Variants in PDE8B observed in about 807,000 individuals in gnomAD.
The protein encoded by PDE8B is high affinity cAMP-specific and IBMX-insensitive 3',5'-cyclic phosphodiesterase 8B.
PDE8B carries 26 observed loss-of-function variants against 101.3 expected under a neutral mutation model. That is an observed-to-expected ratio of 0.26 (90% CI 0.19 to 0.36). The LOEUF (loss-of-function observed/expected upper bound fraction) is 0.36. Among genes scored for constraint, PDE8B ranks in the 10% least tolerant of loss-of-function variants. The pLI is 1.00. For synonymous variants in PDE8B, 424 were observed against 429.3 expected (o/e 0.99, Z 0.15); for missense variants, 810 against 1,163.1 (o/e 0.70, Z 4.42).
intron 1 of PDE8B, among the ~76,000 whole-genome samples, chr5:77,283,331 A>G (rs1446729023): frequency 1.3e-5 from 2 of 152,156 alleles, no homozygotes; most frequent in Non-Finnish European, 2.9e-5. Flanking sequence ...TGATGAGCCA[A>G]CACTGACAAC....
At chr5:77,146,654 A>C in the PDE8B span, 1 of 288,728 alleles carries the variant, frequency 3.5e-6, no homozygotes, top group Admixed American at 3.7e-5. Context: ...GCATAAGAAG[A>C]AGCACCCAGA....
chr5:77,412,001 G>A, intron 15 of PDE8B, 99 bp from the exon 16 acceptor site: 1 of 1,253,864 alleles, frequency 8.0e-7, no homozygotes, highest in South Asian at 1.2e-5. Flanking sequence ...TCAGGTACAA[G>A]ACTTTTTTTC....
At chr5:77,371,989 C>G (rs1283158632) in intron 10 of PDE8B, among the ~76,000 whole-genome samples, 1 of 151,994 alleles carries the variant, frequency 6.6e-6, no homozygotes, top group African/African-American at 2.4e-5. Context: ...TCACTTCAGG[C>G]CAGGAGTTTG....
chr5:77,425,690 T>C, intron 20 of PDE8B, 77 bp from the exon 21 acceptor site: 1 of 1,444,344 alleles, frequency 6.9e-7, no homozygotes, highest in Admixed American at 1.7e-5. Context: ...TTTCACAGGG[T>C]TGTTCTGAGA....
rs1045802081 is a variant in PDE8B at position 77,427,808 on chromosome 5, T to G, written c.*1254T>G. 31 of 152,232 alleles carry G rather than the reference T, an allele frequency of 2.0e-4. No homozygotes were observed. The highest frequency in any genetic ancestry group is 6.5e-5 in the Admixed American group (1 of 15,278). The allele number at this position is 152,232 out of a possible 1,614,324, so 9.4% of individuals were successfully genotyped here. A position where few individuals can be genotyped will look rare whatever the true frequency, so the allele number is the denominator to read the frequency against. ...GCTGATCCTTCCTATGTATTATAAA[T>G]ATTAGACTCCGTAAACAAACTTCAT... is the stretch of plus-strand genomic sequence containing the variant. On this transcript the variant is annotated 3_prime_UTR_variant, in exon 22 of 22. Coordinates refer to ENST00000264917, the MANE Select transcript of PDE8B (RefSeq NM_003719.5).
At chr5:77,324,531 T>G (rs1317971672) in intron 2 of PDE8B, among the ~76,000 whole-genome samples, 1 of 152,192 alleles carries the variant, frequency 6.6e-6, no homozygotes, top group Non-Finnish European at 1.5e-5. Context: ...AGGGGGAAAC[T>G]GTGTAAAGTA....
At chr5:77,322,978 G>A (rs765567499) in intron 2 of PDE8B, among the ~76,000 whole-genome samples, 8 of 152,214 alleles carry the variant, frequency 5.3e-5, no homozygotes, top group Admixed American at 3.3e-4. Flanking sequence ...GCATAATGGT[G>A]TCAAGGAAAT....
intron 3 of PDE8B, among the ~76,000 whole-genome samples, chr5:77,328,560 A>C (rs951646606): frequency 1.3e-5 from 2 of 152,106 alleles, no homozygotes; most frequent in African/African-American, 4.8e-5. Context: ...AAGTGCTTTA[A>C]TTTTTATCAT....
chr5:77,219,905 G>A (rs1032911372), intron 1 of PDE8B, among the ~76,000 whole-genome samples: 2 of 152,200 alleles, frequency 1.3e-5, no homozygotes, highest in Non-Finnish European at 2.9e-5. Flanking sequence ...CTGTGCCTGT[G>A]CAAGCATTGG....
chr5:77,278,189 G>A (rs754866436), intron 1 of PDE8B, among the ~76,000 whole-genome samples: 2 of 152,082 alleles, frequency 1.3e-5, no homozygotes, highest in Non-Finnish European at 2.9e-5. Flanking sequence ...ATAGGTAAAC[G>A]TCTCCCAGCT....
At chr5:77,382,728 G>GGTTT (rs1167892704) in intron 10 of PDE8B, among the ~76,000 whole-genome samples, 1 of 152,020 alleles carries the variant, frequency 6.6e-6, no homozygotes, top group Non-Finnish European at 1.5e-5. Context: ...CAATAATGAT[G>GGTTT]GTTTCCAGCT....
rs186052720 is a variant in PDE8B at position 77,419,767 on chromosome 5, G to A, written c.2130G>A (p.Arg710=). The change falls in exon 19 of 22, where the codon AGG becomes AGA. Residue 710 remains arginine (R), a splice_region_variant and synonymous_variant. Transcript: ENST00000264917. The part of the protein sequence containing the change: ...TKCNIFKNID[R]NHYRTLRQAI... ...CCCCTTTGTCTTGTGGTTATTTTAG[G>A]AACCATTATCGAACGCTGCGCCAGG... 112 of 1,613,896 alleles carry A rather than the reference G, an allele frequency of 6.9e-5. No individual in the cohort carries two copies. In the East Asian group the frequency reaches 1.7e-3, roughly 24 times the overall value.
intron 1 of PDE8B, chr5:77,291,133 C>A: frequency 6.2e-7 from 1 of 1,610,742 alleles, no homozygotes; most frequent in South Asian, 1.1e-5. Flanking sequence ...GTTGTTCCAT[C>A]AGCTCTCTTC....
chr5:77,276,112 G>A (rs1365229026), intron 1 of PDE8B, among the ~76,000 whole-genome samples: 1 of 152,242 alleles, frequency 6.6e-6, no homozygotes, highest in African/African-American at 2.4e-5. Flanking sequence ...GAAGAACTTA[G>A]TACAATTATC....
chr5:77,133,032 C>T, the PDE8B span, among the ~76,000 whole-genome samples: 1 of 152,178 alleles, frequency 6.6e-6, no homozygotes, highest in Non-Finnish European at 1.5e-5. Flanking sequence ...GATGACTTTT[C>T]CTCTTTGGAG....
chr5:77,317,300 A>C (rs1166208355), intron 2 of PDE8B, among the ~76,000 whole-genome samples: 5 of 152,288 alleles, frequency 3.3e-5, no homozygotes, highest in African/African-American at 1.2e-4. Context: ...CTGTTGCTTC[A>C]CTGCAATGCC....
the PDE8B span, chr5:77,139,731 T>C: frequency 6.6e-6 from 1 of 152,370 alleles, no homozygotes; most frequent in East Asian, 1.9e-4. Context: ...TAAATATTTC[T>C]ATTTAGTTTT....
At chr5:77,419,360 C>T (rs1796172808) in intron 18 of PDE8B, among the ~76,000 whole-genome samples, 1 of 152,294 alleles carries the variant, frequency 6.6e-6, no homozygotes, top group South Asian at 2.1e-4. Context: ...AGGCTGTGGC[C>T]ATCCTGTGCA....
Position 77,253,480 on chromosome 5 carries a change from T to C in PDE8B, c.339+42216T>C, listed in dbSNP as rs538865805. Among the ~76,000 whole-genome samples, 11 of 152,296 alleles carry C rather than the reference T, an allele frequency of 7.2e-5. No homozygotes were observed. In the South Asian group the frequency reaches 1.7e-3, roughly 23 times the overall value. ...GCAAAAACCACTCAAAATATTAACA[T>C]TTGTATTCTGCTTCTTAGAAGAAAC... On this transcript the variant is annotated intron_variant, in intron 1 of 21. Coordinates refer to ENST00000264917, the MANE Select transcript of PDE8B (RefSeq NM_003719.5).
Sources: gnomAD v4.1 joint callset for allele counts (sites outside exome capture counted in the v4.1 genomes callset) on GRCh38, gnomAD v4.1.1 for gene constraint, MANE v1.5 for transcripts, NCBI Gene and HGNC (gene_info 2026-07-23, HGNC 2026-07-21) for gene names.